The following DDO variants were observed in gnomAD, a reference collection of about 807,000 sequenced individuals.
DDO encodes D-aspartate oxidase, DDO.
A neutral mutation model predicts 16.8 loss-of-function variants in DDO; 16 were observed. The observed-to-expected ratio is 0.95, with a 90% CI of 0.65 to 1.45. DDO has a LOEUF of 1.45. Ranked by LOEUF, DDO falls within the 40% of genes most tolerant of loss-of-function variation. The pLI is 0.00. For missense variants in DDO, 429 were observed against 420.3 expected (o/e 1.02, Z -0.18); for synonymous variants, 180 against 167.2 (o/e 1.08, Z -0.59).
chr6:110,398,127 G>A (rs1773345958), intron 4 of DDO, among the ~76,000 whole-genome samples: 1 of 152,084 alleles, frequency 6.6e-6, no homozygotes, highest in South Asian at 2.1e-4. Flanking sequence ...AGGAAATAGG[G>A]TTAGGGGCAC....
At chr6:110,396,684 G>A (rs1420120434) in intron 4 of DDO, among the ~76,000 whole-genome samples, 4 of 150,254 alleles carry the variant, frequency 2.7e-5, no homozygotes, top group Non-Finnish European at 4.5e-5. Flanking sequence ...TGAAGCTGGA[G>A]CTACTGTTTT....
At chr6:110,396,354 G>T (rs1773290793) in intron 4 of DDO, among the ~76,000 whole-genome samples, 1 of 152,192 alleles carries the variant, frequency 6.6e-6, no homozygotes. Flanking sequence ...ACAAGTATTT[G>T]TTGAGGGCTT....
chr6:110,404,773 C>T lies in DDO; in HGVS notation c.458+1G>A. ...AAATATCAGGGAGCATTTCAACTGA[C>T]CTTTTCTCCAACCACGGGAGGTAGG... On this transcript the variant is annotated splice_donor_variant, in intron 4 of 4. Coordinates refer to ENST00000368924, the MANE Select transcript of DDO (RefSeq NM_001372108.2). LOFTEE classifies it high-confidence loss of function. 1 of 1,613,986 alleles carries T rather than the reference C, an allele frequency of 6.2e-7. No homozygotes were observed. The highest frequency in any genetic ancestry group is 8.5e-7 in the Non-Finnish European group (1 of 1,179,906).
At chr6:110,388,977 A>G (rs542271171), downstream of DDO, 3 of 232,550 alleles carry the variant, frequency 1.3e-5, no homozygotes, top group East Asian at 5.4e-4. Flanking sequence ...TTATGTGTCA[A>G]ATGGACTGAG....
At position 110,395,436 on chromosome 6, in the gene DDO, G is replaced by A. The variant is rs374172350; in HGVS notation, c.459-2094C>T. 3.3e-5 allele frequency among the ~76,000 whole-genome samples: 5 copies of A among 151,364 alleles called. No individual in the cohort carries two copies. The East Asian group carries it at 5.8e-4, about 18-fold the overall frequency. ...TGCTTGCCTGCCAACTCACCCTGCC[G>A]ATCTTACACATCCTATTCATTCTTT... On this transcript the variant is annotated intron_variant, in intron 4 of 4. Coordinates refer to ENST00000368924, the MANE Select transcript of DDO (RefSeq NM_001372108.2).
At chr6:110,413,528 T>G in intron 1 of DDO, 62 bp from the exon 2 acceptor site, 1 of 1,570,386 alleles carries the variant, frequency 6.4e-7, no homozygotes, top group Non-Finnish European at 8.7e-7. Flanking sequence ...CCAGACAAAG[T>G]TTGGTCTTGA....
rs536564363 is a variant in DDO at position 110,404,660 on chromosome 6, C to T, written c.458+114G>A. On this transcript the variant is annotated intron_variant, in intron 4 of 4. Coordinates refer to ENST00000368924, the MANE Select transcript of DDO (RefSeq NM_001372108.2). ...TAGCCATTTGTGAGTGGCAAGGCAA[C>T]GCGAAAGAGCTCTGAGGGATGCCAG... The T allele has an allele frequency of 4.4e-4, 513 of 1,164,502 alleles. 3 individuals carry two copies. The African/African-American group carries it at 6.8e-3, about 15-fold the overall frequency. The allele number at this position is 1,164,502 out of a possible 1,614,324, so 72.1% of individuals were successfully genotyped here.
chr6:110,403,562 A>G (rs567487784), intron 4 of DDO, among the ~76,000 whole-genome samples: 1 of 152,230 alleles, frequency 6.6e-6, no homozygotes, highest in Non-Finnish European at 1.5e-5. Flanking sequence ...CAGAAAAGGC[A>G]TGGGTTTTAT....
At chr6:110,405,577 C>A (rs1388838308) in intron 3 of DDO, among the ~76,000 whole-genome samples, 3 of 152,094 alleles carry the variant, frequency 2.0e-5, no homozygotes, top group Non-Finnish European at 4.4e-5. Flanking sequence ...AGCTGCTATG[C>A]AAATGTTTAG....
intron 4 of DDO, among the ~76,000 whole-genome samples, chr6:110,396,410 A>G (rs1773292631): frequency 6.6e-6 from 1 of 152,268 alleles, no homozygotes; most frequent in African/African-American, 2.4e-5. Context: ...CTCAGAGGCT[A>G]TGCTTGCTCT....
At chr6:110,390,215 G>T (rs13201207), downstream of DDO, among the ~76,000 whole-genome samples, 47,117 of 152,034 alleles carry the variant, frequency 0.31, 7,526 homozygotes, top group East Asian at 0.42. Context: ...CTAGCAGTGG[G>T]GGCCTAGAAG....
intron 4 of DDO, among the ~76,000 whole-genome samples, chr6:110,400,018 C>T (rs956414044): frequency 6.6e-6 from 1 of 152,226 alleles, no homozygotes; most frequent in Non-Finnish European, 1.5e-5. Context: ...CGCCGGTCTC[C>T]GGCCGATGGC....
At chr6:110,402,499 T>C (rs1773515233) in intron 4 of DDO, among the ~76,000 whole-genome samples, 2 of 152,076 alleles carry the variant, frequency 1.3e-5, no homozygotes, top group Admixed American at 1.3e-4. Flanking sequence ...ACCCTGTCTC[T>C]ACTAAAAATA....
At chr6:110,405,170 G>A (rs1395319362) in intron 3 of DDO, among the ~76,000 whole-genome samples, 1 of 152,094 alleles carries the variant, frequency 6.6e-6, no homozygotes, top group Non-Finnish European at 1.5e-5. Context: ...CCGGGTAGCT[G>A]GGACCACAGG....
chr6:110,413,264 T>A, intron 2 of DDO, 27 bp downstream of exon 2: 1 of 1,610,500 alleles, frequency 6.2e-7, no homozygotes, highest in South Asian at 1.1e-5. Context: ...ATCTATTGTA[T>A]CTGATAGAGG....
chr6:110,403,466 A>G (rs929095983), intron 4 of DDO, among the ~76,000 whole-genome samples: 12 of 152,220 alleles, frequency 7.9e-5, no homozygotes, highest in African/African-American at 2.9e-4. Flanking sequence ...CCATCATGTG[A>G]TAGCTCAAAA....
At chr6:110,402,645 G>A (rs1041605132) in intron 4 of DDO, among the ~76,000 whole-genome samples, 5 of 152,160 alleles carry the variant, frequency 3.3e-5, no homozygotes, top group African/African-American at 1.2e-4. Context: ...AGCCACAAGA[G>A]GAAAACTGCA....
In DDO at chr6:110,408,742, C is replaced by T. The variant is rs530710044; in HGVS notation, c.173-300G>A. Among the ~76,000 whole-genome samples, 6 of 152,322 alleles carry T rather than the reference C, an allele frequency of 3.9e-5. No homozygotes were observed. In the East Asian group the frequency reaches 1.2e-3, roughly 29 times the overall value. On this transcript the variant is annotated intron_variant, in intron 2 of 4. Coordinates refer to ENST00000368924, the MANE Select transcript of DDO (RefSeq NM_001372108.2). The stretch of plus-strand genomic sequence containing the variant: ...GCTAGTTGGAAGGTGGTTTTTGGTA[C>T]TAGGTATATTCCAGAGGTCCTTGGC...
chr6:110,394,225 C>T lies in DDO; in HGVS notation c.459-883G>A, dbSNP rs562158060. 3.3e-3 allele frequency among the ~76,000 whole-genome samples: 498 copies of T among 152,200 alleles called. 3 individuals carry two copies. Among genetic ancestry groups the T allele is most frequent in the Non-Finnish European group, 4.2e-3 (287 of 68,026 alleles). Reference sequence around the variant, plus strand: ...GCTTAAGTGATCCTCCCACCTCAGCCTCCTGAGTAGCTGAGACCACAGGTG... The same window carrying T: ...GCTTAAGTGATCCTCCCACCTCAGCTTCCTGAGTAGCTGAGACCACAGGTG... On this transcript the variant is annotated intron_variant, in intron 4 of 4. Transcript: ENST00000368924.
Sources: allele counts gnomAD v4.1 joint callset (sites outside exome capture counted in the v4.1 genomes callset), GRCh38; gene constraint gnomAD v4.1.1; transcripts MANE v1.5; gene names NCBI Gene and HGNC (gene_info 2026-07-23, HGNC 2026-07-21).